Variants in ZNF606 observed in about 807,000 individuals in gnomAD.
ZNF606 encodes zinc finger protein 328.
ZNF606 carries 37 observed loss-of-function variants against 74.9 expected under a neutral mutation model. That is an observed-to-expected ratio of 0.49 (90% CI 0.38 to 0.65). ZNF606 has a LOEUF of 0.65. Ranked by LOEUF, ZNF606 falls within the 30% of genes least tolerant of loss-of-function variation. The probability of loss-of-function intolerance (pLI) is 0.00; values close to 1 mark genes in which losing one functional copy is unlikely to be tolerated. For missense variants in ZNF606, 852 were observed against 952.9 expected (o/e 0.89, Z 1.39); for synonymous variants, 328 against 312.4 (o/e 1.05, Z -0.53).
rs1360209350 is a variant in ZNF606, at chr19:57,988,585, C to A, written c.304+10G>T. 1 of 1,611,132 alleles carries A rather than the reference C, an allele frequency of 6.2e-7. No individual in the cohort carries two copies. Among genetic ancestry groups the A allele is most frequent in the East Asian group, 2.2e-5 (1 of 44,824 alleles). Reference sequence around the variant, plus strand: ...AACAGCTTCGTTTACTTGGGCAGCACCTGCCTTACCCACAGAGAGCAGGTG... The same window carrying A: ...AACAGCTTCGTTTACTTGGGCAGCAACTGCCTTACCCACAGAGAGCAGGTG... On this transcript the variant is annotated intron_variant, in intron 5 of 6. Transcript: ENST00000551380.
intron 1 of ZNF606, among the ~76,000 whole-genome samples, chr19:58,001,581 T>A (rs771139287): frequency 7.9e-5 from 12 of 152,146 alleles, no homozygotes; most frequent in Non-Finnish European, 1.8e-4. Flanking sequence ...TGATCCTGAA[T>A]GAGAGGGTAC....
In ZNF606 at chr19:57,988,265, C is replaced by T. The variant is rs781334551; in HGVS notation, c.342G>A (p.Leu114=). 1 of 1,614,098 alleles carries T rather than the reference C, an allele frequency of 6.2e-7. No homozygotes were observed. Among genetic ancestry groups the T allele is most frequent in the Non-Finnish European group, 8.5e-7 (1 of 1,180,026 alleles). ...CTGACCACGGCTCTTCTCCTTGCTC[C>T]AACAGGGAGATGACCTCAGGCTTGG... The part of the protein sequence containing the change: ...QIAKPEVISL[L]EQGEEPWSVE... Residue 114 remains leucine (L), a synonymous_variant, in exon 6 of 7, where the codon TTG becomes TTA. Transcript: ENST00000551380.
chr19:58,001,796 T>C (rs1422679487), intron 1 of ZNF606, among the ~76,000 whole-genome samples: 2 of 152,212 alleles, frequency 1.3e-5, no homozygotes, highest in Non-Finnish European at 2.9e-5. Flanking sequence ...AATTAGATAA[T>C]GGGGATGATT....
chr19:57,988,048 A>G (rs2073191647), intron 6 of ZNF606, among the ~76,000 whole-genome samples, 159 bp downstream of exon 6: 1 of 152,198 alleles, frequency 6.6e-6, no homozygotes, highest in South Asian at 2.1e-4. Context: ...TAGGATGGTG[A>G]TGCTTCTTTG....
In ZNF606 at chr19:57,980,036, A is replaced by C. The variant is rs755152555; in HGVS notation, c.644T>G (p.Leu215Arg). The C allele has an allele frequency of 6.2e-7, 1 of 1,613,530 alleles. No homozygotes were observed. Among genetic ancestry groups the C allele is most frequent in the Admixed American group, 1.7e-5 (1 of 60,006 alleles). Residue 215 changes from leucine (L) to arginine (R), a missense_variant, in exon 7 of 7, where the codon CTT becomes CGT. Coordinates refer to ENST00000551380, the MANE Select transcript of ZNF606 (RefSeq NM_001348022.3). ...LSQRSSEFCG[L>R]GAEFSQNLNF... The stretch of plus-strand genomic sequence containing the variant: ...TAAGTTCTGGCTAAACTCTGCCCCA[A>C]GTCCACAGAATTCAGAGCTTCTCTG...
intron 4 of ZNF606, among the ~76,000 whole-genome samples, chr19:57,991,102 CTCCT>C (rs1462032593): frequency 1.3e-5 from 2 of 152,156 alleles, no homozygotes; most frequent in Non-Finnish European, 2.9e-5. Flanking sequence ...CTCGCCTTCT[CTCCT>C]TCCTTGTCTT....
In ZNF606 at chr19:57,978,000, A is replaced by G. The variant is rs2073015440; in HGVS notation, c.*301T>C. The G allele has an allele frequency of 4.5e-6, 1 of 221,788 alleles. No individual in the cohort carries two copies. The highest frequency in any genetic ancestry group is 8.8e-6 in the Non-Finnish European group (1 of 113,722). The allele number at this position is 221,788 out of a possible 1,614,324, so 13.7% of individuals were successfully genotyped here. On this transcript the variant is annotated 3_prime_UTR_variant, in exon 7 of 7. Transcript: ENST00000551380. ...TCTACAATTGGTGAGAGCTCTTGCTAAAAGATGCCTCATTCCCCACAGTCA... is the reference window on the plus strand; with the variant it reads ...TCTACAATTGGTGAGAGCTCTTGCTGAAAGATGCCTCATTCCCCACAGTCA...
Position 58,002,805 on chromosome 19 carries a change from T to A in ZNF606, c.-461A>T, listed in dbSNP as rs1322543783. 1 of 450,790 alleles carries A rather than the reference T, an allele frequency of 2.2e-6. No homozygotes were observed. The highest frequency in any genetic ancestry group is 4.5e-6 in the Non-Finnish European group (1 of 224,624). The allele number at this position is 450,790 out of a possible 1,614,324, so 27.9% of individuals were successfully genotyped here. ...CTCAGCCGCGGACAATGGCGGCTGC[T>A]TCCCCGGCGTCGACCGGAGCGCGCC... On this transcript the variant is annotated 5_prime_UTR_variant, in exon 1 of 7. It adds an upstream start codon to the 5' untranslated region. Coordinates refer to ENST00000551380, the MANE Select transcript of ZNF606 (RefSeq NM_001348022.3).
At chr19:57,998,743 A>T (rs1365004987) in intron 4 of ZNF606, 1 of 152,190 alleles carries the variant, frequency 6.6e-6, no homozygotes, top group African/African-American at 2.4e-5. Flanking sequence ...TATTATAAAA[A>T]TTTTTTTAAG....
intron 6 of ZNF606, among the ~76,000 whole-genome samples, chr19:57,982,793 A>G (rs1180915263): frequency 3.9e-5 from 6 of 152,032 alleles, no homozygotes; most frequent in African/African-American, 1.4e-4. Flanking sequence ...TCCTGTATAT[A>G]CAACCATGCC....
chr19:57,989,415 A>G (rs2123303757), intron 4 of ZNF606, among the ~76,000 whole-genome samples: 1 of 152,186 alleles, frequency 6.6e-6, no homozygotes, highest in South Asian at 2.1e-4. Flanking sequence ...GATTTTTCCA[A>G]TGAATACATC....
intron 3 of ZNF606, chr19:58,000,376 C>A (rs753538560): frequency 4.2e-5 from 23 of 549,682 alleles, no homozygotes; most frequent in Non-Finnish European, 7.4e-5. Flanking sequence ...CGCCCACCAC[C>A]ACGCCCAGCT....
intron 1 of ZNF606, among the ~76,000 whole-genome samples, chr19:58,001,637 G>A (rs2073430502): frequency 6.6e-6 from 1 of 152,118 alleles, no homozygotes; most frequent in Non-Finnish European, 1.5e-5. Context: ...CAACACAGAT[G>A]GAACTTTTGG....
At chr19:58,000,499 G>A (rs555878939) in intron 3 of ZNF606, 184 bp downstream of exon 3, 202 of 700,702 alleles carry the variant, frequency 2.9e-4, no homozygotes, top group Non-Finnish European at 2.3e-4. Flanking sequence ...TGCTGTAGGC[G>A]TGAGTCACCA....
chr19:57,984,967 C>T (rs1349755457), intron 6 of ZNF606, among the ~76,000 whole-genome samples: 4 of 151,978 alleles, frequency 2.6e-5, no homozygotes, highest in Admixed American at 6.6e-5. Flanking sequence ...TGGTGTCGGG[C>T]GCCTGTAGTC....
At chr19:57,998,439 G>A (rs2073369430) in intron 4 of ZNF606, 1 of 152,134 alleles carries the variant, frequency 6.6e-6, no homozygotes, top group African/African-American at 2.4e-5. Context: ...CAAACATTAT[G>A]CTAAGTGAAA....
At chr19:57,980,620 G>T (rs1438516803) in intron 6 of ZNF606, among the ~76,000 whole-genome samples, 2 of 152,152 alleles carry the variant, frequency 1.3e-5, no homozygotes, top group East Asian at 1.9e-4. Context: ...CGGATCATGA[G>T]GTCAGGAGAT....
intron 6 of ZNF606, among the ~76,000 whole-genome samples, chr19:57,983,928 C>T (rs1360112124): frequency 1.3e-5 from 2 of 152,200 alleles, no homozygotes; most frequent in East Asian, 3.8e-4. Context: ...ATTAGAATCA[C>T]TGTAGGTTTA....
At chr19:57,990,194 C>A (rs1462475010) in intron 4 of ZNF606, among the ~76,000 whole-genome samples, 1 of 150,812 alleles carries the variant, frequency 6.6e-6, no homozygotes, top group Non-Finnish European at 1.5e-5. Flanking sequence ...AAAACATCAT[C>A]TCTACTAAAA....
Sources: gnomAD v4.1 joint callset for allele counts (sites outside exome capture counted in the v4.1 genomes callset) on GRCh38, gnomAD v4.1.1 for gene constraint, MANE v1.5 for transcripts, NCBI Gene and HGNC (gene_info 2026-07-23, HGNC 2026-07-21) for gene names.